BORCS8: variants seen among roughly 807,000 people sequenced by gnomAD.
BORCS8 encodes BLOC-1 related complex subunit 8.
BORCS8 carries 13 observed loss-of-function variants against 18.7 expected under a neutral mutation model. The ratio of observed to expected loss-of-function variants is 0.70; its 90% CI spans 0.45 to 1.11. The LOEUF (loss-of-function observed/expected upper bound fraction) is 1.11. Among genes scored for constraint, BORCS8 ranks in the 50% least tolerant of loss-of-function variants. BORCS8 has a pLI of 0.00. For synonymous variants in BORCS8, 68 were observed against 64.8 expected, an observed-to-expected ratio of 1.05 and a Z score of -0.24; for missense variants, 165 against 165.7, an observed-to-expected ratio of 1.00 and a Z score of 0.02.
chr19:19,184,858 C>T (rs1555778229), intron 3 of BORCS8, among the ~76,000 whole-genome samples: 1 of 152,218 alleles, frequency 6.6e-6, no homozygotes, highest in Non-Finnish European at 1.5e-5. Flanking sequence ...CCTCAGACTC[C>T]CAAAGCACTG....
At chr19:19,179,632 C>G (rs10854011) in intron 5 of BORCS8, 1 of 152,508 alleles carries the variant, frequency 6.6e-6, no homozygotes, top group Non-Finnish European at 1.5e-5. Flanking sequence ...GGCAGGGGCT[C>G]GGTAAGTCCC....
At chr19:19,188,366 C>A (rs2060431912) in intron 1 of BORCS8, among the ~76,000 whole-genome samples, 1 of 152,056 alleles carries the variant, frequency 6.6e-6, no homozygotes, top group Non-Finnish European at 1.5e-5. Context: ...CTATGTGGCC[C>A]AGGCTGGTCC....
intron 1 of BORCS8, among the ~76,000 whole-genome samples, chr19:19,189,446 AC>A (rs1224098552): frequency 6.6e-6 from 1 of 151,286 alleles, no homozygotes; most frequent in African/African-American, 2.4e-5. Context: ...CTTGCTTTAA[AC>A]TCTTCCATAG....
intron 1 of BORCS8, among the ~76,000 whole-genome samples, chr19:19,187,986 G>C (rs10401927): frequency 2.6e-3 from 402 of 151,928 alleles, no homozygotes; most frequent in African/African-American, 9.2e-3. Context: ...AGAACTACAG[G>C]TGCAAACCAC....
At chr19:19,189,967 T>C (rs985787422) in intron 1 of BORCS8, among the ~76,000 whole-genome samples, 4 of 152,066 alleles carry the variant, frequency 2.6e-5, no homozygotes, top group Non-Finnish European at 5.9e-5. Flanking sequence ...CCTTTATTCA[T>C]TACAGCAGAG....
rs534378720 is a variant in BORCS8 at position 19,185,227 on chromosome 19, C to T, written c.215+807G>A. On this transcript the variant is annotated intron_variant, in intron 3 of 5. Transcript: ENST00000462790. ...GGAACTGCTGGGAGCATCATTCAGCCGCCAATAAAATGGCCCACAGCCCAT... is the reference window on the plus strand; with the variant it reads ...GGAACTGCTGGGAGCATCATTCAGCTGCCAATAAAATGGCCCACAGCCCAT... Among the ~76,000 whole-genome samples the T allele has an allele frequency of 1.3e-3, 198 of 152,342 alleles. 7 individuals are homozygous for T. Among genetic ancestry groups the T allele is most frequent in the East Asian group, 0.012 (60 of 5,186 alleles).
intron 1 of BORCS8, among the ~76,000 whole-genome samples, chr19:19,190,873 T>C (rs908215540): frequency 6.6e-6 from 1 of 152,116 alleles, no homozygotes; most frequent in African/African-American, 2.4e-5. Context: ...CCGTTATCCA[T>C]GGTTCCCGAA....
chr19:19,188,587 C>G (rs1012835613), intron 1 of BORCS8, among the ~76,000 whole-genome samples: 1 of 152,184 alleles, frequency 6.6e-6, no homozygotes, highest in African/African-American at 2.4e-5. Flanking sequence ...CCCACAGGAC[C>G]TGAAAGTGCC....
chr19:19,186,965 G>C lies in BORCS8; in HGVS notation c.78C>G (p.Asn26Lys). ...KFTESVYVLA[N>K]EPSVALYRLQ... Reference sequence around the variant, plus strand: ...GCCGGTACAGGGCCACGGATGGCTCGTTGGCCAGGACGTAGACGCTCTCAG... The same window carrying C: ...GCCGGTACAGGGCCACGGATGGCTCCTTGGCCAGGACGTAGACGCTCTCAG... The change falls in exon 2 of 6, where the codon AAC becomes AAG. Residue 26 changes from asparagine (N) to lysine (K), a missense_variant. By Grantham distance (94) the Asn-to-Lys change is moderately conservative (BLOSUM62 0). Transcript: ENST00000462790. The C allele has an allele frequency of 1.3e-6, 2 of 1,551,378 alleles. No individual in the cohort carries two copies. Among genetic ancestry groups the C allele is most frequent in the Non-Finnish European group, 1.7e-6 (2 of 1,146,902 alleles).
rs1568567761 is a variant in BORCS8, at chr19:19,186,921, C to T, written c.122G>A (p.Arg41His). 7.7e-6 allele frequency: 12 copies of T among 1,550,430 alleles called. No individual in the cohort carries two copies. The highest frequency in any genetic ancestry group is 2.4e-5 in the South Asian group (2 of 84,012). Reference protein sequence around the residue: ...ALYRLQEHVRRSLPELAQHKA... With the variant: ...ALYRLQEHVRHSLPELAQHKA... The stretch of plus-strand genomic sequence containing the variant: ...GTGCTGGGCCAGCTCGGGGAGGGAG[C>T]GACGCACATGCTCCTGCAGCCGGTA... The change falls in exon 2 of 6, where the codon CGC (arginine) becomes CAC (histidine). Residue 41 changes from arginine to histidine, a missense_variant. By Grantham distance (29) the Arg-to-His change is conservative. Coordinates refer to ENST00000462790, the MANE Select transcript of BORCS8 (RefSeq NM_001145784.2).
At chr19:19,185,113 C>T (rs1721427158) in intron 3 of BORCS8, among the ~76,000 whole-genome samples, 1 of 152,238 alleles carries the variant, frequency 6.6e-6, no homozygotes. Flanking sequence ...CCAAGGGGGC[C>T]AAGGCTGCCA....
chr19:19,188,325 G>C (rs2060431524), intron 1 of BORCS8, among the ~76,000 whole-genome samples: 1 of 152,066 alleles, frequency 6.6e-6, no homozygotes, highest in African/African-American at 2.4e-5. Context: ...ACCGCGCCCG[G>C]CTCATTTTTT....
At position 19,182,558 on chromosome 19, in the gene BORCS8, G is replaced by A. The variant is rs909052656; in HGVS notation, c.326+15C>T. 4.0e-5 allele frequency: 62 copies of A among 1,547,912 alleles called. No homozygotes were observed. Among genetic ancestry groups the A allele is most frequent in the Middle Eastern group, 1.8e-4 (1 of 5,586 alleles). ...GCTGGGAGTGGCAGTGGGGGCGGGC[G>A]GTCCCAGGAGCTACCTGTGGCCCTG... On this transcript the variant is annotated intron_variant, in intron 4 of 5. Transcript: ENST00000462790. The surrounding 1 kb of genome is among the most constrained non-coding windows in gnomAD (Gnocchi z 4.1).
chr19:19,191,182 G>A (rs1388019460), intron 1 of BORCS8, among the ~76,000 whole-genome samples: 1 of 151,982 alleles, frequency 6.6e-6, no homozygotes, highest in Non-Finnish European at 1.5e-5. Flanking sequence ...GTGAAACCCC[G>A]TCTCTACTAA....
rs776538093 is a variant in BORCS8, at chr19:19,182,642, C to T, written c.257G>A (p.Ser86Asn). Residue 86 changes from serine to asparagine, a missense_variant, in exon 4 of 6, where the codon AGC (serine) becomes AAC (asparagine). By Grantham distance (46) the Ser-to-Asn change is conservative. Coordinates refer to ENST00000462790, the MANE Select transcript of BORCS8 (RefSeq NM_001145784.2). This position sits in a 1 kb window ranked among gnomAD's most constrained non-coding sequence, Gnocchi z 4.1. ...NLVDSSVYFR[S>N]VEGLLKQAIS... ...GGCCTGTTTGAGCAGACCCTCCACG[C>T]TGCGGAAGTAGACGCTGCTGTCCAC... 1.3e-6 allele frequency: 2 copies of T among 1,551,236 alleles called. No homozygotes were observed. Among genetic ancestry groups the T allele is most frequent in the East Asian group, 2.4e-5 (1 of 40,924 alleles).
intron 1 of BORCS8, among the ~76,000 whole-genome samples, chr19:19,190,695 G>A (rs2060459764): frequency 6.6e-6 from 1 of 152,162 alleles, no homozygotes; most frequent in East Asian, 1.9e-4. Context: ...GGCTGAGGCA[G>A]GAGAAACACT....
chr19:19,186,172 G>T, intron 2 of BORCS8, 74 bp from the exon 3 acceptor site: 1 of 1,410,952 alleles, frequency 7.1e-7, no homozygotes, highest in Non-Finnish European at 9.8e-7. Context: ...AGCTCTCTTG[G>T]TTGGGGCTCT....
At chr19:19,190,369 G>A (rs951622607) in intron 1 of BORCS8, among the ~76,000 whole-genome samples, 4 of 152,198 alleles carry the variant, frequency 2.6e-5, no homozygotes, top group Non-Finnish European at 4.4e-5. Context: ...GAACCCAGGC[G>A]TGTCTGGGAG....
At chr19:19,178,938 T>G (rs1599749525) in intron 5 of BORCS8, 2 of 140,058 alleles carry the variant, frequency 1.4e-5, no homozygotes, top group Non-Finnish European at 1.5e-5. Flanking sequence ...CTAGCCTGGG[T>G]GACAGAGTGA....
Sources: gnomAD v4.1 joint callset for allele counts (sites outside exome capture counted in the v4.1 genomes callset) on GRCh38, gnomAD v4.1.1 for gene constraint, Gnocchi (gnomAD v3.1) non-coding constraint, MANE v1.5 for transcripts, NCBI Gene and HGNC (gene_info 2026-07-23, HGNC 2026-07-21) for gene names.